Variants in GPATCH2 observed in about 807,000 individuals in gnomAD.
GPATCH2 encodes G-patch domain containing 2.
GPATCH2 carries 51 observed loss-of-function variants against 58.0 expected under a neutral mutation model. That is an observed-to-expected ratio of 0.88 (90% CI 0.70 to 1.11). The LOEUF (loss-of-function observed/expected upper bound fraction) is 1.11. GPATCH2 is among the 50% of genes most tolerant of loss of function. The pLI, the probability that GPATCH2 is intolerant of heterozygous loss-of-function variation, is 0.00. For synonymous variants in GPATCH2, 222 were observed against 218.5 expected (o/e 1.02, Z -0.14); for missense variants, 625 against 652.2 (o/e 0.96, Z 0.45).
chr1:217,583,621 ATAT>A, intron 5 of GPATCH2, among the ~76,000 whole-genome samples: 1 of 149,610 alleles, frequency 6.7e-6, no homozygotes, highest in South Asian at 2.1e-4. Context: ...ACAAGAAGCT[ATAT>A]TTGGATAAGG....
At chr1:217,629,354 A>T (rs1298196182) in intron 1 of GPATCH2, among the ~76,000 whole-genome samples, 1 of 152,134 alleles carries the variant, frequency 6.6e-6, no homozygotes, top group African/African-American at 2.4e-5. Flanking sequence ...ACTTTGTTAT[A>T]CTCTGGTGCC....
chr1:217,497,944 T>C (rs1337907288), intron 7 of GPATCH2, among the ~76,000 whole-genome samples: 1 of 152,202 alleles, frequency 6.6e-6, no homozygotes, highest in Admixed American at 6.5e-5. Context: ...AATGTAAAAG[T>C]ATAAGAAACT....
At chr1:217,533,940 G>C (rs1458178979) in intron 5 of GPATCH2, among the ~76,000 whole-genome samples, 2 of 152,144 alleles carry the variant, frequency 1.3e-5, no homozygotes, top group African/African-American at 4.8e-5. Flanking sequence ...TTACAGCCAG[G>C]CATGGTGGCT....
At chr1:217,505,669 TAG>T (rs1662517103) in intron 6 of GPATCH2, among the ~76,000 whole-genome samples, 1 of 152,174 alleles carries the variant, frequency 6.6e-6, no homozygotes, top group African/African-American at 2.4e-5. Flanking sequence ...TTTTTATTGT[TAG>T]AGATAAGTTT....
intron 8 of GPATCH2, among the ~76,000 whole-genome samples, chr1:217,474,651 C>G (rs541733031): frequency 5.9e-4 from 90 of 152,248 alleles, no homozygotes; most frequent in African/African-American, 2.1e-3. Flanking sequence ...GGAATGCCTA[C>G]GTTAAGGGCA....
intron 8 of GPATCH2, among the ~76,000 whole-genome samples, chr1:217,462,964 T>G (rs1660263759): frequency 6.6e-6 from 1 of 152,262 alleles, no homozygotes; most frequent in East Asian, 1.9e-4. Context: ...AGAACCAATC[T>G]CACAGAGTTG....
intron 5 of GPATCH2, among the ~76,000 whole-genome samples, chr1:217,560,639 G>A (rs1226069704): frequency 6.6e-6 from 1 of 152,174 alleles, no homozygotes; most frequent in African/African-American, 2.4e-5. Context: ...CTCCAATTCT[G>A]TAGGTGCTTC....
chr1:217,597,211 T>C (rs543528434), intron 5 of GPATCH2, among the ~76,000 whole-genome samples: 61 of 151,894 alleles, frequency 4.0e-4, no homozygotes, highest in Middle Eastern at 3.4e-3. Context: ...TCAGTGTCTA[T>C]AGTACTAGCT....
chr1:217,570,644 A>C (rs1666491238), intron 5 of GPATCH2, among the ~76,000 whole-genome samples: 1 of 152,228 alleles, frequency 6.6e-6, no homozygotes, highest in African/African-American at 2.4e-5. Flanking sequence ...CCAACAAACT[A>C]ATAACCAACA....
intron 5 of GPATCH2, among the ~76,000 whole-genome samples, chr1:217,589,140 C>T (rs1363290780): frequency 6.6e-6 from 1 of 152,070 alleles, no homozygotes; most frequent in Non-Finnish European, 1.5e-5. Flanking sequence ...GGTGGCTTCT[C>T]TTATATGTGA....
At chr1:217,629,603 C>T (rs997654583) in intron 1 of GPATCH2, among the ~76,000 whole-genome samples, 2 of 152,098 alleles carry the variant, frequency 1.3e-5, no homozygotes. Flanking sequence ...GACAGGTATC[C>T]TTGAGAGGGA....
intron 5 of GPATCH2, among the ~76,000 whole-genome samples, chr1:217,600,913 T>C (rs1668073564): frequency 6.6e-6 from 1 of 152,144 alleles, no homozygotes; most frequent in Admixed American, 6.5e-5. Context: ...GCAAATTCAA[T>C]GTTTTTAAAG....
intron 9 of GPATCH2, among the ~76,000 whole-genome samples, chr1:217,435,374 AATTGGCTCAAGAGATGAAAATCTTGT>A (rs1403403671): frequency 6.6e-6 from 1 of 152,196 alleles, no homozygotes; most frequent in Non-Finnish European, 1.5e-5. Flanking sequence ...TCACTTGCAT[AATTGGCTCAAGAGATGAAAATCTTGT>A]ATCGGCCTCT....
intron 5 of GPATCH2, among the ~76,000 whole-genome samples, chr1:217,535,786 C>T (rs1664430794): frequency 6.6e-6 from 1 of 152,018 alleles, no homozygotes; most frequent in African/African-American, 2.4e-5. Flanking sequence ...AGAACAACCC[C>T]CAGTGTACTT....
chr1:217,444,633 T>TG (rs1558396038), intron 9 of GPATCH2, among the ~76,000 whole-genome samples: 1 of 151,858 alleles, frequency 6.6e-6, no homozygotes, highest in Non-Finnish European at 1.5e-5. Context: ...AACCGAAGAG[T>TG]GGGCTGGTGG....
At position 217,540,871 on chromosome 1, in the gene GPATCH2, G is replaced by A. The variant is rs61828860; in HGVS notation, c.1099-25982C>T. On this transcript the variant is annotated intron_variant, in intron 5 of 9. Coordinates refer to ENST00000366935, the MANE Select transcript of GPATCH2 (RefSeq NM_018040.5). ...CACAGTCTCTCTCTTCAGAACAATC[G>A]ACCCTTATTTTTGGCTAAAACACTG... 4.5e-3 allele frequency among the ~76,000 whole-genome samples: 678 copies of A among 152,208 alleles called. 7 individuals are homozygous for A. The highest frequency in any genetic ancestry group is 8.2e-3 in the Non-Finnish European group (559 of 68,010).
intron 8 of GPATCH2, among the ~76,000 whole-genome samples, chr1:217,483,619 C>G (rs917092880): frequency 3.3e-5 from 5 of 152,210 alleles, no homozygotes; most frequent in African/African-American, 4.8e-5. Context: ...TAGGAAACTT[C>G]AAAACTGGTT....
intron 9 of GPATCH2, among the ~76,000 whole-genome samples, chr1:217,446,921 CACAT>C (rs1659416055): frequency 6.6e-6 from 1 of 152,176 alleles, no homozygotes. Context: ...CTTCTCATTT[CACAT>C]ATGTTCGGAG....
rs554696685 is a variant in GPATCH2, at chr1:217,443,967, G to A, written c.1366+5282C>T. 1.1e-3 allele frequency among the ~76,000 whole-genome samples: 160 copies of A among 152,016 alleles called. 1 individual carries two copies. The highest frequency in any genetic ancestry group is 3.5e-3 in the African/African-American group (146 of 41,434). On this transcript the variant is annotated intron_variant, in intron 9 of 9. Transcript: ENST00000366935. ...CTTTTTAGTTTTGGTTTATGAGATCGTCATTGGTAGGTTTTTATTTGTGGT... is the reference window on the plus strand; with the variant it reads ...CTTTTTAGTTTTGGTTTATGAGATCATCATTGGTAGGTTTTTATTTGTGGT...
Sources: gnomAD v4.1 joint callset for allele counts (sites outside exome capture counted in the v4.1 genomes callset) on GRCh38, gnomAD v4.1.1 for gene constraint, MANE v1.5 for transcripts, NCBI Gene and HGNC (gene_info 2026-07-23, HGNC 2026-07-21) for gene names.